Variants in EEPD1 observed in about 807,000 individuals in gnomAD.
EEPD1 encodes the protein endonuclease/exonuclease/phosphatase family domain-containing protein 1.
In EEPD1, 17 loss-of-function variants were observed where a neutral mutation model predicts 46.3. That is an observed-to-expected ratio of 0.37 (90% CI 0.25 to 0.55). The LOEUF (loss-of-function observed/expected upper bound fraction) is 0.55. Among genes scored for constraint, EEPD1 ranks in the 20% least tolerant of loss-of-function variants. The pLI is 0.83. For missense variants in EEPD1, 673 were observed against 745.6 expected, an observed-to-expected ratio of 0.90 and a Z score of 1.13; for synonymous variants, 313 against 315.6, an observed-to-expected ratio of 0.99 and a Z score of 0.09.
chr7:36,237,107 C>T (rs1356283371), intron 2 of EEPD1, among the ~76,000 whole-genome samples: 3 of 152,190 alleles, frequency 2.0e-5, no homozygotes, highest in South Asian at 2.1e-4. Flanking sequence ...ACTCCACACG[C>T]GCCGCCTTTA....
intron 2 of EEPD1, among the ~76,000 whole-genome samples, chr7:36,183,317 C>T (rs192282113): frequency 3.9e-5 from 6 of 152,318 alleles, no homozygotes; most frequent in South Asian, 4.1e-4. Context: ...AATAAGGACC[C>T]GGTCAGTCTG....
At chr7:36,198,415 C>CAAAA (rs70977116) in intron 2 of EEPD1, among the ~76,000 whole-genome samples, 3 of 93,652 alleles carry the variant, frequency 3.2e-5, no homozygotes, top group Admixed American at 1.2e-4. Flanking sequence ...TTTAATAAAC[C>CAAAA]AAAAAAAAAA....
At chr7:36,179,461 C>T (rs1463471529) in intron 2 of EEPD1, among the ~76,000 whole-genome samples, 1 of 152,054 alleles carries the variant, frequency 6.6e-6, no homozygotes, top group Non-Finnish European at 1.5e-5. Context: ...TGGCACACAC[C>T]TGTAATCCCA....
intron 3 of EEPD1, among the ~76,000 whole-genome samples, chr7:36,254,176 A>G (rs530257882): frequency 6.6e-6 from 1 of 152,260 alleles, no homozygotes; most frequent in Non-Finnish European, 1.5e-5. Context: ...CGTGTGCAGA[A>G]CAAGCAGGTT....
At chr7:36,211,589 A>C (rs931110023) in intron 2 of EEPD1, among the ~76,000 whole-genome samples, 2 of 152,336 alleles carry the variant, frequency 1.3e-5, no homozygotes, top group Admixed American at 1.3e-4. Context: ...TGAGAAAAAA[A>C]TCAGAAAGAA....
intron 6 of EEPD1, among the ~76,000 whole-genome samples, chr7:36,293,524 A>G (rs1787480490): frequency 6.6e-6 from 1 of 151,912 alleles, no homozygotes; most frequent in East Asian, 1.9e-4. Context: ...ATTTTTATGA[A>G]CTCCTGATGC....
intron 2 of EEPD1, among the ~76,000 whole-genome samples, chr7:36,227,823 G>A (rs769214326): frequency 3.3e-5 from 5 of 152,186 alleles, no homozygotes; most frequent in Non-Finnish European, 7.3e-5. Flanking sequence ...AAGTAGCTGC[G>A]ATTACAGGCA....
intron 3 of EEPD1, among the ~76,000 whole-genome samples, chr7:36,249,781 G>A (rs548014658): frequency 2.0e-5 from 3 of 152,068 alleles, no homozygotes; most frequent in East Asian, 1.9e-4. Flanking sequence ...TTTCCCTTTC[G>A]TATCTCCTGT....
chr7:36,199,271 GAC>G (rs1471373901), intron 2 of EEPD1, among the ~76,000 whole-genome samples: 2 of 152,126 alleles, frequency 1.3e-5, no homozygotes, highest in Admixed American at 6.5e-5. Context: ...AAACTGAGTT[GAC>G]ACAGTTTTCC....
chr7:36,266,433 A>G (rs196572), intron 3 of EEPD1, among the ~76,000 whole-genome samples: 102,559 of 151,862 alleles, frequency 0.68, 35,436 homozygotes, highest in Non-Finnish European at 0.75. Flanking sequence ...TCCCCTGACC[A>G]AGAGCTCCAC....
At chr7:36,228,087 G>A (rs1786258950) in intron 2 of EEPD1, among the ~76,000 whole-genome samples, 2 of 152,164 alleles carry the variant, frequency 1.3e-5, no homozygotes, top group African/African-American at 4.8e-5. Flanking sequence ...CTCTATTAAA[G>A]AAGGGTGGGG....
At chr7:36,238,790 A>G (rs758335439) in intron 2 of EEPD1, among the ~76,000 whole-genome samples, 195 bp from the exon 3 acceptor site, 8 of 152,358 alleles carry the variant, frequency 5.3e-5, no homozygotes, top group Non-Finnish European at 1.0e-4. Flanking sequence ...GGTAAAAATT[A>G]CTTTTAAATT....
intron 3 of EEPD1, among the ~76,000 whole-genome samples, chr7:36,258,904 A>C (rs866993955): frequency 4.0e-4 from 59 of 148,448 alleles, no homozygotes; most frequent in African/African-American, 1.4e-3. Flanking sequence ...AAAAAAAAAA[A>C]CTGCAGCTAG....
chr7:36,285,884 G>A (rs965115647), intron 5 of EEPD1, among the ~76,000 whole-genome samples: 3 of 152,144 alleles, frequency 2.0e-5, no homozygotes, highest in African/African-American at 7.2e-5. Context: ...CACCCTGGGG[G>A]TATCTGTCAC....
At chr7:36,241,673 C>T (rs1197130468) in intron 3 of EEPD1, among the ~76,000 whole-genome samples, 1 of 151,932 alleles carries the variant, frequency 6.6e-6, no homozygotes, top group Admixed American at 6.6e-5. Flanking sequence ...TCAAGACCAG[C>T]CTGGCCAACA....
chr7:36,265,909 G>C lies in EEPD1; in HGVS notation c.931-15206G>C, dbSNP rs757853925. Reference sequence around the variant, plus strand: ...CCTTTTTTGCTTACAAGCTAATGTTGTAACAGGCATGGCTGGCATTTCCTG... The same window carrying C: ...CCTTTTTTGCTTACAAGCTAATGTTCTAACAGGCATGGCTGGCATTTCCTG... On this transcript the variant is annotated intron_variant, in intron 3 of 7. Transcript: ENST00000242108. Among the ~76,000 whole-genome samples the C allele has an allele frequency of 2.0e-5, 3 of 152,326 alleles. 1 individual carries two copies. The highest frequency in any genetic ancestry group is 2.9e-5 in the Non-Finnish European group (2 of 68,018).
intron 2 of EEPD1, among the ~76,000 whole-genome samples, chr7:36,214,777 C>T (rs1786000122): frequency 6.6e-6 from 1 of 152,196 alleles, no homozygotes; most frequent in Non-Finnish European, 1.5e-5. Flanking sequence ...CAGGAGCTTC[C>T]CAGCAGGAAT....
rs955265238 is a variant in EEPD1 at position 36,225,983 on chromosome 7, A to T, written c.879-13002A>T. On this transcript the variant is annotated intron_variant, in intron 2 of 7. Coordinates refer to ENST00000242108, the MANE Select transcript of EEPD1 (RefSeq NM_030636.3). This position sits in a 1 kb window ranked among gnomAD's most constrained non-coding sequence, Gnocchi z 4.2. ...AAGAGTTAAAACAGAGCTCAAGAGT[A>T]GCTAACATAAGCACCAGATTCCATA... Among the ~76,000 whole-genome samples, 1 of 152,274 alleles carries T rather than the reference A, an allele frequency of 6.6e-6. No homozygotes were observed. The highest frequency in any genetic ancestry group is 6.5e-5 in the Admixed American group (1 of 15,290).
intron 1 of EEPD1, 115 bp downstream of exon 1, chr7:36,153,789 A>C (rs899573651): frequency 1.9e-5 from 3 of 154,670 alleles, no homozygotes; most frequent in African/African-American, 4.8e-5. Flanking sequence ...TCAGATGCGG[A>C]GCGTGGGGGA....
Sources: allele counts gnomAD v4.1 joint callset (sites outside exome capture counted in the v4.1 genomes callset), GRCh38; gene constraint gnomAD v4.1.1; non-coding constraint Gnocchi (gnomAD v3.1); transcripts MANE v1.5; gene names NCBI Gene and HGNC (gene_info 2026-07-23, HGNC 2026-07-21).